Variants in MCF2L observed in about 807,000 individuals in gnomAD.
The protein encoded by MCF2L is MCF.2 cell line derived transforming sequence like, also known as guanine nucleotide exchange factor DBS.
Under a neutral mutation model 153.4 loss-of-function variants are expected in MCF2L, and 97 were observed. The observed-to-expected ratio is 0.63, with a 90% CI of 0.54 to 0.75. The LOEUF is 0.75. Among genes scored for constraint, MCF2L ranks in the 30% least tolerant of loss-of-function variants. MCF2L has a pLI of 0.00. For missense variants in MCF2L, 1,347 were observed against 1,495.2 expected (o/e 0.90, Z 1.64); for synonymous variants, 659 against 632.2 (o/e 1.04, Z -0.64).
intron 2 of MCF2L, among the ~76,000 whole-genome samples, chr13:113,015,091 G>T (rs1380720401): frequency 6.6e-6 from 1 of 152,216 alleles, no homozygotes; most frequent in African/African-American, 2.4e-5. Flanking sequence ...TCCCCAGGGG[G>T]ATGTGGCCTG....
At position 113,094,569 on chromosome 13, in the gene MCF2L, A is replaced by C. The variant is rs773124302; in HGVS notation, c.3009A>C (p.Ser1003=). The C allele has an allele frequency of 1.2e-6, 2 of 1,612,502 alleles. No homozygotes were observed. The highest frequency in any genetic ancestry group is 1.7e-6 in the Non-Finnish European group (2 of 1,179,716). Residue 1003 remains serine, a synonymous_variant, in exon 27 of 30, where the codon TCA becomes TCC. Coordinates refer to ENST00000535094, the MANE Select transcript of MCF2L (RefSeq NM_001112732.3). The part of the protein sequence containing the change: ...LEAPEDDGGW[S]SAEEQINSSD... The stretch of plus-strand genomic sequence containing the variant: ...CACCTGAGGACGACGGGGGCTGGTC[A>C]AGTGCAGAGGAGCAGATTAACTCGT...
chr13:112,939,933 C>T (rs1277957055), intron 2 of MCF2L, among the ~76,000 whole-genome samples: 2 of 150,844 alleles, frequency 1.3e-5, no homozygotes, highest in Non-Finnish European at 2.9e-5. Flanking sequence ...GGTGCCACTG[C>T]ATTCCAGCCT....
At chr13:113,026,175 G>A (rs7317225) in intron 3 of MCF2L, among the ~76,000 whole-genome samples, 259 of 74,408 alleles carry the variant, frequency 3.5e-3, no homozygotes, top group Middle Eastern at 0.013. Context: ...TTCCACCATG[G>A]TGGGGTCCCC....
rs1337888749 is a variant in MCF2L at position 113,045,374 on chromosome 13, C to T, written c.369+13C>T. The T allele has an allele frequency of 9.3e-6, 15 of 1,610,538 alleles. No homozygotes were observed. Among genetic ancestry groups the T allele is most frequent in the African/African-American group, 2.7e-5 (2 of 74,892 alleles). ...CCTGCGCATCGCAGTAAGTGCCACC[C>T]GGGGCTCTGCCCTGCGCCCGGCCCC... On this transcript the variant is annotated intron_variant, in intron 4 of 29. Coordinates refer to ENST00000535094, the MANE Select transcript of MCF2L (RefSeq NM_001112732.3). This position sits in a 1 kb window ranked among gnomAD's most constrained non-coding sequence, Gnocchi z 4.2.
intron 1 of MCF2L, among the ~76,000 whole-genome samples, chr13:112,894,596 G>A (rs2081047565): frequency 1.3e-5 from 2 of 151,986 alleles, no homozygotes; most frequent in South Asian, 4.1e-4. Flanking sequence ...CGCGGTCAGG[G>A]CGGCCTGGGA....
chr13:112,931,419 T>G (rs2081462338), intron 2 of MCF2L, among the ~76,000 whole-genome samples: 1 of 152,240 alleles, frequency 6.6e-6, no homozygotes, highest in Admixed American at 6.5e-5. Flanking sequence ...AGCAGCTGTC[T>G]GCGGATGGGA....
At chr13:112,927,473 A>C (rs974079110) in intron 2 of MCF2L, among the ~76,000 whole-genome samples, 5 of 152,114 alleles carry the variant, frequency 3.3e-5, no homozygotes, top group African/African-American at 1.2e-4. Flanking sequence ...TGGATAAATG[A>C]CCGGGTCTGG....
intron 2 of MCF2L, among the ~76,000 whole-genome samples, chr13:112,905,538 A>G (rs1023778194): frequency 1.3e-5 from 2 of 152,220 alleles, no homozygotes; most frequent in Admixed American, 6.5e-5. Context: ...GGATTTGAAC[A>G]AGTGGAACTT....
chr13:113,014,882 G>C (rs754644225), intron 2 of MCF2L, 36 bp downstream of exon 2: 13 of 1,598,936 alleles, frequency 8.1e-6, no homozygotes, highest in Non-Finnish European at 1.1e-5. Context: ...TGGAGAGGGA[G>C]GGGTCTGGGG....
At chr13:113,032,889 T>A (rs980296743) in intron 3 of MCF2L, among the ~76,000 whole-genome samples, 1 of 152,248 alleles carries the variant, frequency 6.6e-6, no homozygotes, top group African/African-American at 2.4e-5. Context: ...TTTAAAGGCT[T>A]CCTGGCCCCT....
chr13:113,066,407 A>G (rs1398272607), intron 8 of MCF2L, among the ~76,000 whole-genome samples: 1 of 152,128 alleles, frequency 6.6e-6, no homozygotes, highest in South Asian at 2.1e-4. Context: ...TTTGGGGACA[A>G]TTTCCTAGAG....
chr13:112,937,660 T>A (rs1266677687), intron 2 of MCF2L, among the ~76,000 whole-genome samples: 1 of 152,198 alleles, frequency 6.6e-6, no homozygotes, highest in African/African-American at 2.4e-5. Flanking sequence ...GATTCAAATT[T>A]GGTTAGTTCT....
At chr13:113,087,181 C>G in intron 21 of MCF2L, 54 bp from the exon 22 acceptor site, 1 of 1,467,422 alleles carries the variant, frequency 6.8e-7, no homozygotes, top group Non-Finnish European at 9.4e-7. Flanking sequence ...CGATGCGCGT[C>G]CATGGCCCCA....
In MCF2L at chr13:113,031,807, C is replaced by T. The variant is rs968878358; in HGVS notation, c.278+7049C>T. On this transcript the variant is annotated intron_variant, in intron 3 of 29. Coordinates refer to ENST00000535094, the MANE Select transcript of MCF2L (RefSeq NM_001112732.3). The surrounding 1 kb of genome is among the most constrained non-coding windows in gnomAD (Gnocchi z 5.5). ...TTGCCGGGACAGGGGTCACATTCAG[C>T]CCATAAGAGGCATGTACACATACAG... Among the ~76,000 whole-genome samples, 7 of 152,048 alleles carry T rather than the reference C, an allele frequency of 4.6e-5. No individual in the cohort carries two copies. Among genetic ancestry groups the T allele is most frequent in the Non-Finnish European group, 8.8e-5 (6 of 68,006 alleles).
At chr13:113,025,928 C>T (rs865838847) in intron 3 of MCF2L, among the ~76,000 whole-genome samples, 11 of 73,312 alleles carry the variant, frequency 1.5e-4, no homozygotes, top group African/African-American at 4.9e-4. Flanking sequence ...GACTGTGGGT[C>T]GGGGCAGAGT....
At chr13:112,897,510 G>A (rs2081079255) in intron 1 of MCF2L, among the ~76,000 whole-genome samples, 1 of 152,142 alleles carries the variant, frequency 6.6e-6, no homozygotes, top group African/African-American at 2.4e-5. Flanking sequence ...ACCAGAGCTG[G>A]GAAGCTGTGG....
At chr13:113,095,766 C>A in intron 27 of MCF2L, 3 of 998,976 alleles carry the variant, frequency 3.0e-6, no homozygotes, top group Non-Finnish European at 3.6e-6. Context: ...CTGTGAATCT[C>A]CCCACTCTGT....
intron 1 of MCF2L, chr13:113,009,979 G>A (rs1330469061): frequency 2.0e-5 from 3 of 152,220 alleles, no homozygotes; most frequent in Admixed American, 1.3e-4. Flanking sequence ...CCAGGCTGCT[G>A]TGTGGAGAGA....
intron 2 of MCF2L, chr13:112,956,249 TTC>T (rs1391773304): frequency 6.5e-6 from 1 of 152,982 alleles, no homozygotes. Context: ...ATGCAGCAGC[TTC>T]TTTTTGCCAG....
Sources: gnomAD v4.1 joint callset for allele counts (sites outside exome capture counted in the v4.1 genomes callset) on GRCh38, gnomAD v4.1.1 for gene constraint, Gnocchi (gnomAD v3.1) non-coding constraint, MANE v1.5 for transcripts, NCBI Gene and HGNC (gene_info 2026-07-23, HGNC 2026-07-21) for gene names.